The following SHISA9 variants were observed in gnomAD, a reference collection of about 807,000 sequenced individuals.
SHISA9 encodes the protein shisa family member 9, also known as protein shisa-9.
Under a neutral mutation model 38.0 loss-of-function variants are expected in SHISA9, and 13 were observed. That is an observed-to-expected ratio of 0.34 (90% CI 0.22 to 0.54). The LOEUF (loss-of-function observed/expected upper bound fraction) is 0.54, where lower values mean the gene tolerates loss of function less well. Among genes scored for constraint, SHISA9 ranks in the 20% least tolerant of loss-of-function variants. The pLI is 0.91. For missense variants in SHISA9, 538 were observed against 575.8 expected, an observed-to-expected ratio of 0.93 and a Z score of 0.67; for synonymous variants, 275 against 242.0, an observed-to-expected ratio of 1.14 and a Z score of -1.27.
chr16:13,231,300 T>C (rs1285170637), intron 4 of SHISA9, among the ~76,000 whole-genome samples: 1 of 152,248 alleles, frequency 6.6e-6, no homozygotes, highest in Non-Finnish European at 1.5e-5. Context: ...CATGGCCACC[T>C]TGGGCCAGAG....
chr16:13,182,889 G>A (rs1361165590), intron 2 of SHISA9, among the ~76,000 whole-genome samples: 1 of 152,130 alleles, frequency 6.6e-6, no homozygotes, highest in Non-Finnish European at 1.5e-5. Context: ...TCCCACTCAG[G>A]GTCTGTCACA....
chr16:13,083,917 C>T (rs138383314), intron 2 of SHISA9, among the ~76,000 whole-genome samples: 320 of 152,232 alleles, frequency 2.1e-3, no homozygotes, highest in African/African-American at 6.5e-3. Flanking sequence ...TGGATACAAT[C>T]TGGTTTCAAA....
intron 2 of SHISA9, among the ~76,000 whole-genome samples, chr16:13,001,992 T>C (rs1390375355): frequency 6.6e-6 from 1 of 152,198 alleles, no homozygotes; most frequent in Admixed American, 6.5e-5. Flanking sequence ...AAAAATTTCA[T>C]AGTAAAAATG....
chr16:13,357,655 G>A, the SHISA9 span, among the ~76,000 whole-genome samples: 1 of 152,266 alleles, frequency 6.6e-6, no homozygotes, highest in African/African-American at 2.4e-5. Context: ...GGGTGCAGGC[G>A]GGCTGAGTCC....
At chr16:13,189,150 T>A (rs2050858661) in intron 2 of SHISA9, among the ~76,000 whole-genome samples, 1 of 152,220 alleles carries the variant, frequency 6.6e-6, no homozygotes, top group South Asian at 2.1e-4. Context: ...TATAGATATA[T>A]TTCCATTGTT....
At chr16:13,019,627 A>C (rs2072799002) in intron 2 of SHISA9, among the ~76,000 whole-genome samples, 1 of 151,568 alleles carries the variant, frequency 6.6e-6, no homozygotes, top group Non-Finnish European at 1.5e-5. Context: ...TTAAACTTTT[A>C]AGTTCAGGGG....
intron 1 of SHISA9, among the ~76,000 whole-genome samples, chr16:12,904,596 T>C (rs1436199456): frequency 1.3e-5 from 2 of 152,160 alleles, no homozygotes; most frequent in Non-Finnish European, 2.9e-5. Context: ...AGGGTCGGCC[T>C]GGTGGCAGAA....
intron 2 of SHISA9, among the ~76,000 whole-genome samples, chr16:13,083,564 A>C (rs1396768148): frequency 6.6e-6 from 1 of 152,172 alleles, no homozygotes; most frequent in East Asian, 1.9e-4. Context: ...TAGGTCAGCT[A>C]TTCTTCAGCC....
chr16:13,414,325 T>A, the SHISA9 span, among the ~76,000 whole-genome samples: 1 of 152,136 alleles, frequency 6.6e-6, no homozygotes, highest in Non-Finnish European at 1.5e-5. Flanking sequence ...ACCACAAAAA[T>A]TACTACCTTG....
intron 2 of SHISA9, among the ~76,000 whole-genome samples, chr16:13,167,074 T>TA (rs1555467304): frequency 6.9e-6 from 1 of 143,908 alleles, no homozygotes; most frequent in South Asian, 2.2e-4. Flanking sequence ...TCTTTTTTCT[T>TA]TTTTTTTTTT....
chr16:13,048,682 A>T (rs1293501317), intron 2 of SHISA9, among the ~76,000 whole-genome samples: 1 of 152,220 alleles, frequency 6.6e-6, no homozygotes, highest in Non-Finnish European at 1.5e-5. Context: ...TTGGCCTCCC[A>T]AAGTGCTGGG....
chr16:13,294,062 A>G, the SHISA9 span, among the ~76,000 whole-genome samples: 1 of 152,202 alleles, frequency 6.6e-6, no homozygotes, highest in Non-Finnish European at 1.5e-5. Flanking sequence ...CCACACAATT[A>G]TTGCAGAGCT....
At chr16:13,491,818 C>CGTT in the SHISA9 span, among the ~76,000 whole-genome samples, 1 of 44,506 alleles carries the variant, frequency 2.2e-5, no homozygotes, top group Non-Finnish European at 4.2e-5. Flanking sequence ...ATTTATTGAC[C>CGTT]TTTTTTTTTT....
chr16:13,399,243 C>A, the SHISA9 span, among the ~76,000 whole-genome samples: 1 of 150,918 alleles, frequency 6.6e-6, no homozygotes, highest in Non-Finnish European at 1.5e-5. Context: ...TAGAGTGAGA[C>A]CCCATCTCAA....
the SHISA9 span, among the ~76,000 whole-genome samples, chr16:13,366,763 G>A: frequency 1.5e-3 from 231 of 152,180 alleles, 2 homozygotes; most frequent in East Asian, 0.034. Flanking sequence ...CGAGGTGGGC[G>A]ATCACTTATG....
In SHISA9 at chr16:13,204,206, GTCTGTCTA is replaced by G. The variant is rs1389926079; in HGVS notation, c.847+661_847+668del. On this transcript the variant is annotated intron_variant, in intron 3 of 4. Transcript: ENST00000558583. Reference sequence around the variant, plus strand: ...CTTTCTATCTACCTATTATCTGTCTGTCTGTCTATCTATCTATCTATCTATCTATCTAT... The same window carrying G: ...CTTTCTATCTACCTATTATCTGTCTGTCTATCTATCTATCTATCTATCTAT... Among the ~76,000 whole-genome samples, 523 of 138,144 alleles carry G rather than the reference GTCTGTCTA, an allele frequency of 3.8e-3. 3 individuals carry two copies. Among genetic ancestry groups the G allele is most frequent in the Non-Finnish European group, 5.6e-3 (357 of 63,788 alleles). The allele number at this position is 138,144 out of a possible 152,430, so 90.6% of individuals were successfully genotyped here.
At chr16:13,297,745 G>C in the SHISA9 span, among the ~76,000 whole-genome samples, 2 of 151,934 alleles carry the variant, frequency 1.3e-5, no homozygotes, top group East Asian at 3.9e-4. Context: ...TTATCAGTGC[G>C]TTCTTTCTTT....
the SHISA9 span, among the ~76,000 whole-genome samples, chr16:13,533,857 C>T: frequency 2.0e-5 from 3 of 149,696 alleles, no homozygotes; most frequent in African/African-American, 7.4e-5. Flanking sequence ...GATCTCGGCT[C>T]ACTGCAAACT....
the SHISA9 span, among the ~76,000 whole-genome samples, chr16:13,399,550 G>A: frequency 2.0e-5 from 3 of 152,088 alleles, no homozygotes; most frequent in African/African-American, 4.8e-5. Context: ...TCATGTTCTC[G>A]TCACCCCTTC....
Sources: gnomAD v4.1 joint callset for allele counts (sites outside exome capture counted in the v4.1 genomes callset) on GRCh38, gnomAD v4.1.1 for gene constraint, MANE v1.5 for transcripts, NCBI Gene and HGNC (gene_info 2026-07-23, HGNC 2026-07-21) for gene names.